Variants in EVA1C observed in about 807,000 individuals in gnomAD.
EVA1C encodes eva-1 homolog C.
EVA1C carries 25 observed loss-of-function variants against 45.4 expected under a neutral mutation model. That is an observed-to-expected ratio of 0.55 (90% CI 0.40 to 0.77). The LOEUF (loss-of-function observed/expected upper bound fraction) is 0.77, where lower values mean the gene tolerates loss of function less well. Among genes scored for constraint, EVA1C ranks in the 30% least tolerant of loss-of-function variants. The pLI is 0.00. For missense variants in EVA1C, 479 were observed against 554.8 expected (o/e 0.86, Z 1.37); for synonymous variants, 190 against 221.2 (o/e 0.86, Z 1.25).
At chr21:32,435,728 T>C (rs368966880) in intron 1 of EVA1C, among the ~76,000 whole-genome samples, 4,057 of 99,260 alleles carry the variant, frequency 0.041, no homozygotes, top group South Asian at 0.082. Flanking sequence ...TGGGCCCCCT[T>C]ATTCAAAAAT....
chr21:32,444,370 G>A (rs2035291434), intron 1 of EVA1C, among the ~76,000 whole-genome samples: 1 of 152,122 alleles, frequency 6.6e-6, no homozygotes, highest in Admixed American at 6.5e-5. Flanking sequence ...TTCAAGTTGA[G>A]GTTCCCATGA....
chr21:32,424,849 A>C (rs1219067570), intron 1 of EVA1C, among the ~76,000 whole-genome samples: 1 of 151,998 alleles, frequency 6.6e-6, no homozygotes, highest in African/African-American at 2.4e-5. Context: ...TGATGACGTG[A>C]TGATGATGAT....
intron 4 of EVA1C, among the ~76,000 whole-genome samples, chr21:32,475,879 T>TTATCTATC (rs10661334): frequency 0.12 from 12,324 of 100,264 alleles, 590 homozygotes; most frequent in East Asian, 0.14. Flanking sequence ...TCTAAAAACT[T>TTATCTATC]TATCTATCTA....
In EVA1C at chr21:32,487,736, A is replaced by G. The variant is rs2037020420; in HGVS notation, c.635-7291A>G. Among the ~76,000 whole-genome samples the G allele has an allele frequency of 1.3e-5, 2 of 149,050 alleles. 1 individual carries two copies. Among genetic ancestry groups the G allele is most frequent in the Admixed American group, 1.3e-4 (2 of 14,908 alleles). On this transcript the variant is annotated intron_variant, in intron 4 of 7. Transcript: ENST00000300255. Reference sequence around the variant, plus strand: ...CTCCATCTCAAAAAAAAAAAAAAAGAGAGAGTAGAACCCCCAGCAAGGGCA... The same window carrying G: ...CTCCATCTCAAAAAAAAAAAAAAAGGGAGAGTAGAACCCCCAGCAAGGGCA...
At chr21:32,417,210 G>C (rs985518803) in intron 1 of EVA1C, among the ~76,000 whole-genome samples, 1 of 152,220 alleles carries the variant, frequency 6.6e-6, no homozygotes, top group East Asian at 1.9e-4. Context: ...GTATTAATTT[G>C]CTAGGGCTGC....
chr21:32,496,661 G>T (rs553149878), intron 5 of EVA1C, among the ~76,000 whole-genome samples: 61 of 152,324 alleles, frequency 4.0e-4, no homozygotes, highest in African/African-American at 1.4e-3. Context: ...CTGGACACGG[G>T]TCACACTGAG....
At chr21:32,413,082 G>A in intron 1 of EVA1C, 69 bp downstream of exon 1, 1 of 1,254,376 alleles carries the variant, frequency 8.0e-7, no homozygotes, top group Non-Finnish European at 1.0e-6. Flanking sequence ...TCGACTGGGG[G>A]CAGCCGCACC....
chr21:32,450,666 T>C (rs935435695), intron 1 of EVA1C, among the ~76,000 whole-genome samples: 4 of 152,050 alleles, frequency 2.6e-5, no homozygotes, highest in African/African-American at 9.7e-5. Flanking sequence ...GTGTGGCTCA[T>C]GACAGGGTGC....
intron 3 of EVA1C, among the ~76,000 whole-genome samples, chr21:32,466,542 C>G (rs1408856903): frequency 6.6e-6 from 1 of 151,256 alleles, no homozygotes; most frequent in South Asian, 2.1e-4. Context: ...ATAATGCCAA[C>G]TTTGTACGAC....
rs1357263517 is a variant in EVA1C at position 32,492,547 on chromosome 21, G to A, written c.635-2480G>A. ...GCAGACATGCACAGGACTTTGTGTGGCTGGGGTCCCTGCCCCTGTGCCTTC... is the reference window on the plus strand; with the variant it reads ...GCAGACATGCACAGGACTTTGTGTGACTGGGGTCCCTGCCCCTGTGCCTTC... On this transcript the variant is annotated intron_variant, in intron 4 of 7. Coordinates refer to ENST00000300255, the MANE Select transcript of EVA1C (RefSeq NM_058187.5). 2.0e-5 allele frequency among the ~76,000 whole-genome samples: 3 copies of A among 152,004 alleles called. No individual in the cohort carries two copies. The East Asian group carries it at 5.8e-4, about 29-fold the overall frequency.
intron 1 of EVA1C, among the ~76,000 whole-genome samples, chr21:32,430,309 A>G (rs1402886003): frequency 6.6e-6 from 1 of 152,068 alleles, no homozygotes; most frequent in Non-Finnish European, 1.5e-5. Context: ...TAGTCCTGTG[A>G]AGGGCCAGGG....
intron 5 of EVA1C, chr21:32,497,344 C>T (rs1264491874): frequency 6.1e-6 from 3 of 492,916 alleles, no homozygotes; most frequent in African/African-American, 4.0e-5. Context: ...GTCCGTTGAG[C>T]CAAGAAACCA....
chr21:32,512,925 G>A (rs1279759313), intron 7 of EVA1C, among the ~76,000 whole-genome samples: 3 of 151,988 alleles, frequency 2.0e-5, no homozygotes, highest in African/African-American at 7.3e-5. Context: ...GAAGATGAAA[G>A]TGAAGTCGGG....
At chr21:32,432,713 A>C (rs1187210964) in intron 1 of EVA1C, among the ~76,000 whole-genome samples, 3 of 152,026 alleles carry the variant, frequency 2.0e-5, no homozygotes, top group Non-Finnish European at 4.4e-5. Flanking sequence ...CAGGTGCTTC[A>C]TCTGTCTTCT....
At chr21:32,440,979 G>A (rs547246774) in intron 1 of EVA1C, among the ~76,000 whole-genome samples, 9 of 152,276 alleles carry the variant, frequency 5.9e-5, no homozygotes, top group African/African-American at 2.2e-4. Context: ...GCACATGCCT[G>A]TAATCCCAGC....
At chr21:32,494,111 G>GT (rs1385026865) in intron 4 of EVA1C, among the ~76,000 whole-genome samples, 4 of 152,164 alleles carry the variant, frequency 2.6e-5, no homozygotes, top group East Asian at 1.9e-4. Context: ...TCTTTTTACT[G>GT]TTTTTTTCTG....
At chr21:32,434,885 G>C (rs2034876027) in intron 1 of EVA1C, among the ~76,000 whole-genome samples, 1 of 152,290 alleles carries the variant, frequency 6.6e-6, no homozygotes, top group South Asian at 2.1e-4. Context: ...GTGGTACCTT[G>C]TTATAGCAGC....
At chr21:32,467,921 T>G in intron 4 of EVA1C, 73 bp downstream of exon 4, 1 of 864,176 alleles carries the variant, frequency 1.2e-6, no homozygotes, top group South Asian at 3.9e-5. Context: ...TATATATATA[T>G]CCTATATATA....
chr21:32,458,081 G>C (rs1168100830), intron 3 of EVA1C, among the ~76,000 whole-genome samples: 1 of 152,166 alleles, frequency 6.6e-6, no homozygotes, highest in Non-Finnish European at 1.5e-5. Context: ...CGTTTCAGAG[G>C]TGTCTTGTGC....
Sources: allele counts gnomAD v4.1 joint callset (sites outside exome capture counted in the v4.1 genomes callset), GRCh38; gene constraint gnomAD v4.1.1; transcripts MANE v1.5; gene names NCBI Gene and HGNC (gene_info 2026-07-23, HGNC 2026-07-21).